Variants in KIAA1328 observed in about 807,000 individuals in gnomAD.
KIAA1328 encodes the protein protein hinderin.
Under a neutral mutation model 68.1 loss-of-function variants are expected in KIAA1328, and 52 were observed. The observed-to-expected ratio is 0.76, with a 90% CI of 0.61 to 0.96. The LOEUF is 0.96. Ranked by LOEUF, KIAA1328 falls within the 40% of genes least tolerant of loss-of-function variation. The probability of loss-of-function intolerance (pLI) is 0.00; values close to 1 mark genes in which losing one functional copy is unlikely to be tolerated. For synonymous variants in KIAA1328, 232 were observed against 239.4 expected, an observed-to-expected ratio of 0.97 and a Z score of 0.28; for missense variants, 641 against 677.6, an observed-to-expected ratio of 0.95 and a Z score of 0.60.
At chr18:36,855,819 T>C (rs1462106140) in intron 4 of KIAA1328, among the ~76,000 whole-genome samples, 1 of 151,934 alleles carries the variant, frequency 6.6e-6, no homozygotes, top group East Asian at 1.9e-4. Context: ...TTAACTATTA[T>C]ATTGAAGTAG....
intron 7 of KIAA1328, among the ~76,000 whole-genome samples, chr18:37,134,400 G>A (rs1209806428): frequency 6.6e-6 from 1 of 152,052 alleles, no homozygotes; most frequent in Non-Finnish European, 1.5e-5. Context: ...ACTGTAATAT[G>A]TAAATATTTA....
At chr18:37,064,535 T>TCCC (rs1270592275) in intron 6 of KIAA1328, among the ~76,000 whole-genome samples, 1 of 109,880 alleles carries the variant, frequency 9.1e-6, no homozygotes, top group African/African-American at 3.7e-5. Context: ...AGACTGAAAG[T>TCCC]ACCCCCCCCC....
At chr18:37,144,101 A>T (rs568652476) in intron 7 of KIAA1328, among the ~76,000 whole-genome samples, 1 of 152,320 alleles carries the variant, frequency 6.6e-6, no homozygotes, top group African/African-American at 2.4e-5. Context: ...TGTAACAGAT[A>T]TGAAGCTACT....
chr18:37,227,388 T>A (rs1209224808), downstream of KIAA1328, among the ~76,000 whole-genome samples: 1 of 152,218 alleles, frequency 6.6e-6, no homozygotes, highest in African/African-American at 2.4e-5. Context: ...ATTGAGGACT[T>A]CCGTAACTAG....
At chr18:36,966,846 A>G (rs1271651612) in intron 6 of KIAA1328, among the ~76,000 whole-genome samples, 3 of 152,196 alleles carry the variant, frequency 2.0e-5, no homozygotes, top group African/African-American at 7.2e-5. Context: ...TGATCTGTAG[A>G]TTTGTTGCAA....
intron 3 of KIAA1328, among the ~76,000 whole-genome samples, chr18:36,839,832 T>G (rs1283657597): frequency 6.6e-6 from 1 of 152,186 alleles, no homozygotes; most frequent in East Asian, 1.9e-4. Flanking sequence ...GGTTTTCCCC[T>G]CTGGCTGGTG....
At position 36,874,262 on chromosome 18, in the gene KIAA1328, C is replaced by T. The variant is rs143364861; in HGVS notation, c.333-11295C>T. The stretch of plus-strand genomic sequence containing the variant: ...GTTCTAGATACTTGAGGAATCGCCA[C>T]GCTGTCTTCCACAATGGTTGAACTA... On this transcript the variant is annotated intron_variant, in intron 4 of 9. Coordinates refer to ENST00000280020, the MANE Select transcript of KIAA1328 (RefSeq NM_020776.3). 3.1e-3 allele frequency among the ~76,000 whole-genome samples: 468 copies of T among 152,284 alleles called. 1 individual carries two copies. The highest frequency in any genetic ancestry group is 3.7e-3 in the Non-Finnish European group (254 of 68,014).
chr18:36,856,022 G>A (rs1277987358), intron 4 of KIAA1328, among the ~76,000 whole-genome samples: 1 of 151,630 alleles, frequency 6.6e-6, no homozygotes, highest in Non-Finnish European at 1.5e-5. Flanking sequence ...GCCACTTCCA[G>A]CCTTCATGGT....
intron 5 of KIAA1328, among the ~76,000 whole-genome samples, chr18:36,935,754 C>CTG (rs914779903): frequency 3.4e-4 from 52 of 151,968 alleles, no homozygotes; most frequent in South Asian, 6.2e-4. Flanking sequence ...TAAGTATATA[C>CTG]TGTGTGTGTG....
chr18:37,109,782 A>C (rs1418057402), intron 7 of KIAA1328, among the ~76,000 whole-genome samples: 3 of 152,188 alleles, frequency 2.0e-5, no homozygotes, highest in Non-Finnish European at 4.4e-5. Context: ...TCTTTTTGAA[A>C]GTAATTTTCT....
intron 4 of KIAA1328, among the ~76,000 whole-genome samples, chr18:36,871,788 A>C (rs1271058630): frequency 6.6e-6 from 1 of 152,064 alleles, no homozygotes; most frequent in South Asian, 2.1e-4. Context: ...ACTTATGCTG[A>C]TAGGGAAAGA....
At chr18:37,117,331 A>C (rs1268739841) in intron 7 of KIAA1328, among the ~76,000 whole-genome samples, 1 of 152,210 alleles carries the variant, frequency 6.6e-6, no homozygotes, top group Non-Finnish European at 1.5e-5. Context: ...GGATGAGTTC[A>C]TGTCATTTGT....
At position 37,108,289 on chromosome 18, in the gene KIAA1328, G is replaced by A. The variant is rs191855067; in HGVS notation, c.1232+40744G>A. The stretch of plus-strand genomic sequence containing the variant: ...AGGAACAGAAAACCAAATACTGCAT[G>A]TTCTCATGTATAAGTGGGAGCTAAG... On this transcript the variant is annotated intron_variant, in intron 7 of 9. Transcript: ENST00000280020. Among the ~76,000 whole-genome samples, 31 of 151,248 alleles carry A rather than the reference G, an allele frequency of 2.0e-4. No homozygotes were observed. In the East Asian group the frequency reaches 5.5e-3, roughly 27 times the overall value.
chr18:36,894,538 T>G (rs1353829226), intron 5 of KIAA1328, among the ~76,000 whole-genome samples: 9 of 152,114 alleles, frequency 5.9e-5, no homozygotes, highest in African/African-American at 2.2e-4. Context: ...CTTTTCTTTT[T>G]TTTTTGAGAC....
In KIAA1328 at chr18:37,223,394, T is replaced by C. The variant is rs2060598735; in HGVS notation, c.*1167T>C. On this transcript the variant is annotated 3_prime_UTR_variant, in exon 10 of 10. Transcript: ENST00000280020. ...TGCTGTCTTTTCTCCCACAGAGCTCTTGAGATGGGTCCTTCAGCTTGCAGT... is the reference window on the plus strand; with the variant it reads ...TGCTGTCTTTTCTCCCACAGAGCTCCTGAGATGGGTCCTTCAGCTTGCAGT... 2.0e-6 allele frequency: 2 copies of C among 985,302 alleles called. No homozygotes were observed. The highest frequency in any genetic ancestry group is 1.2e-4 in the Admixed American group (2 of 16,258). The allele number at this position is 985,302 out of a possible 1,614,324, so 61.0% of individuals were successfully genotyped here.
At chr18:36,900,060 C>T (rs1179508238) in intron 5 of KIAA1328, among the ~76,000 whole-genome samples, 1 of 151,724 alleles carries the variant, frequency 6.6e-6, no homozygotes, top group Non-Finnish European at 1.5e-5. Flanking sequence ...AATCATCTAT[C>T]ATCTACACTG....
At chr18:36,942,426 A>G (rs2050749805) in intron 5 of KIAA1328, among the ~76,000 whole-genome samples, 1 of 152,176 alleles carries the variant, frequency 6.6e-6, no homozygotes, top group African/African-American at 2.4e-5. Flanking sequence ...CAAACCTTTA[A>G]TTTTACTGCA....
intron 6 of KIAA1328, among the ~76,000 whole-genome samples, chr18:37,000,945 A>T (rs1040904012): frequency 6.6e-6 from 1 of 152,084 alleles, no homozygotes; most frequent in Admixed American, 6.6e-5. Flanking sequence ...AAGTAGAATG[A>T]TTAAAAATTA....
rs989800831 is a variant in KIAA1328, at chr18:37,224,143, T to G, written c.*1916T>G. 4 of 985,272 alleles carry G rather than the reference T, an allele frequency of 4.1e-6. No homozygotes were observed. Among genetic ancestry groups the G allele is most frequent in the Non-Finnish European group, 3.6e-6 (3 of 829,934 alleles). 61.0% of individuals were successfully genotyped at this position (985,272 alleles called of 1,614,324 possible). ...TTTCTTTTCCTTGCCCCCTGTGTCATGACTAGCTTAAGTGTACTTGACTCC... is the reference window on the plus strand; with the variant it reads ...TTTCTTTTCCTTGCCCCCTGTGTCAGGACTAGCTTAAGTGTACTTGACTCC... On this transcript the variant is annotated 3_prime_UTR_variant, in exon 10 of 10. Coordinates refer to ENST00000280020, the MANE Select transcript of KIAA1328 (RefSeq NM_020776.3).
Sources: gnomAD v4.1 joint callset for allele counts (sites outside exome capture counted in the v4.1 genomes callset) on GRCh38, gnomAD v4.1.1 for gene constraint, MANE v1.5 for transcripts, NCBI Gene and HGNC (gene_info 2026-07-23, HGNC 2026-07-21) for gene names.